The following LRRC3B variants were observed in gnomAD, a reference collection of about 807,000 sequenced individuals.
LRRC3B encodes leucine rich repeat containing 3B, also known as leucine-rich repeat-containing protein 3B.
Under a neutral mutation model 12.8 loss-of-function variants are expected in LRRC3B, and 2 were observed. The observed-to-expected ratio is 0.16, with a 90% confidence interval of 0.06 to 0.49. The LOEUF (loss-of-function observed/expected upper bound fraction) is 0.49, where lower values mean the gene tolerates loss of function less well. LRRC3B is among the 20% of genes least tolerant of loss of function. LRRC3B has a pLI of 0.96. For missense variants in LRRC3B, 189 were observed against 319.4 expected (o/e 0.59, Z 3.11); for synonymous variants, 132 against 122.0 (o/e 1.08, Z -0.54).
chr3:26,648,152 G>A (rs1237410960), intron 1 of LRRC3B, among the ~76,000 whole-genome samples: 1 of 151,886 alleles, frequency 6.6e-6, no homozygotes, highest in Non-Finnish European at 1.5e-5. Context: ...ACATTTTCAG[G>A]CTTCAACCAA....
intron 1 of LRRC3B, chr3:26,624,813 G>T (rs936127623): frequency 6.6e-6 from 1 of 152,318 alleles, no homozygotes; most frequent in Non-Finnish European, 1.5e-5. Context: ...GAATGCAGGA[G>T]GGGGAGGCTC....
chr3:26,656,729 C>G (rs1699378899), intron 1 of LRRC3B, among the ~76,000 whole-genome samples: 1 of 152,160 alleles, frequency 6.6e-6, no homozygotes, highest in Non-Finnish European at 1.5e-5. Context: ...TCCTGACAAC[C>G]ATTGCTAGAG....
chr3:26,655,524 T>C lies in LRRC3B; in HGVS notation c.-161+32287T>C, dbSNP rs1456942739. Among the ~76,000 whole-genome samples, 4 of 152,232 alleles carry C rather than the reference T, an allele frequency of 2.6e-5. No individual in the cohort carries two copies. In the South Asian group the frequency reaches 8.3e-4, roughly 32 times the overall value. ...TCTTACTTGATAGGTTGGCCTAGGA[T>C]TATTAGTAAAGCCTGGTAGTGCTGA... On this transcript the variant is annotated intron_variant, in intron 1 of 1. Transcript: ENST00000396641.
intron 1 of LRRC3B, among the ~76,000 whole-genome samples, chr3:26,693,114 A>G (rs1443296100): frequency 6.6e-6 from 1 of 151,838 alleles, no homozygotes; most frequent in African/African-American, 2.4e-5. Context: ...GCGGATCACG[A>G]GGTCAGGAGA....
intron 1 of LRRC3B, among the ~76,000 whole-genome samples, chr3:26,682,745 G>A (rs1181262221): frequency 6.6e-6 from 1 of 152,182 alleles, no homozygotes; most frequent in African/African-American, 2.4e-5. Context: ...AAGTGGCATT[G>A]CCTCAGTGGA....
chr3:26,677,983 CT>C (rs892815134), intron 1 of LRRC3B, among the ~76,000 whole-genome samples: 3 of 151,794 alleles, frequency 2.0e-5, no homozygotes, highest in Non-Finnish European at 4.4e-5. Flanking sequence ...TATTTTTCTT[CT>C]TTTTTATTTT....
At chr3:26,689,724 C>T (rs1700152541) in intron 1 of LRRC3B, among the ~76,000 whole-genome samples, 4 of 152,154 alleles carry the variant, frequency 2.6e-5, no homozygotes, top group Admixed American at 2.6e-4. Context: ...TGAGAGGCTC[C>T]CATCATCTTT....
intron 1 of LRRC3B, among the ~76,000 whole-genome samples, chr3:26,655,396 A>G (rs11718347): frequency 0.41 from 62,330 of 151,980 alleles, 13,355 homozygotes; most frequent in Middle Eastern, 0.5. Flanking sequence ...CATAATGTCT[A>G]TATCTTGAGT....
At chr3:26,671,369 T>TAGAGAGAGAGAGAGAGAGAGAGAG (rs773929815) in intron 1 of LRRC3B, among the ~76,000 whole-genome samples, 9 of 38,196 alleles carry the variant, frequency 2.4e-4, no homozygotes, top group Admixed American at 4.5e-4. Context: ...TATATATATA[T>TAGAGAGAGAGAGAGAGAGAGAGAG]ATATAGAGAG....
At chr3:26,655,186 TTAGA>T (rs1475064544) in intron 1 of LRRC3B, among the ~76,000 whole-genome samples, 7 of 152,202 alleles carry the variant, frequency 4.6e-5, no homozygotes, top group Non-Finnish European at 8.8e-5. Flanking sequence ...TTGTTTCTTC[TTAGA>T]TACTCTACTG....
intron 1 of LRRC3B, among the ~76,000 whole-genome samples, chr3:26,652,315 T>G (rs1199230986): frequency 6.6e-6 from 1 of 152,200 alleles, no homozygotes; most frequent in Non-Finnish European, 1.5e-5. Flanking sequence ...AGCCCAACCC[T>G]TTATGGGATC....
intron 1 of LRRC3B, among the ~76,000 whole-genome samples, chr3:26,686,957 G>GTGTC (rs1559367278): frequency 6.6e-6 from 1 of 152,166 alleles, no homozygotes; most frequent in East Asian, 1.9e-4. Flanking sequence ...GGAAGGCAAA[G>GTGTC]TGTCTCTCTG....
intron 1 of LRRC3B, among the ~76,000 whole-genome samples, chr3:26,682,222 G>T (rs570623383): frequency 8.5e-5 from 13 of 152,190 alleles, no homozygotes; most frequent in African/African-American, 2.9e-4. Context: ...CACAAGACTT[G>T]CCAATAGCTT....
chr3:26,634,840 A>G (rs1698832188), intron 1 of LRRC3B, among the ~76,000 whole-genome samples: 1 of 152,164 alleles, frequency 6.6e-6, no homozygotes, highest in Admixed American at 6.5e-5. Flanking sequence ...AGAGTTGGAT[A>G]TGTACCCAGC....
intron 1 of LRRC3B, among the ~76,000 whole-genome samples, chr3:26,693,106 G>A (rs1455759386): frequency 5.3e-5 from 8 of 151,798 alleles, no homozygotes; most frequent in African/African-American, 9.7e-5. Context: ...CGAGACGGGC[G>A]GATCACGAGG....
chr3:26,654,437 C>G (rs1370750557), intron 1 of LRRC3B, among the ~76,000 whole-genome samples: 1 of 152,152 alleles, frequency 6.6e-6, no homozygotes, highest in Non-Finnish European at 1.5e-5. Context: ...GCACCAGTAG[C>G]TTTAAAATTT....
intron 1 of LRRC3B, among the ~76,000 whole-genome samples, chr3:26,695,217 T>G (rs887389677): frequency 3.3e-5 from 5 of 152,158 alleles, no homozygotes; most frequent in African/African-American, 4.8e-5. Flanking sequence ...ATATTTAGAT[T>G]AATTCTATTA....
At chr3:26,645,175 CT>C (rs920242459) in intron 1 of LRRC3B, among the ~76,000 whole-genome samples, 5 of 152,134 alleles carry the variant, frequency 3.3e-5, no homozygotes, top group Non-Finnish European at 5.9e-5. Flanking sequence ...AAAAAATAGA[CT>C]TTTTGAGTTA....
intron 1 of LRRC3B, among the ~76,000 whole-genome samples, chr3:26,701,729 T>C (rs1313602264): frequency 1.3e-5 from 2 of 152,112 alleles, no homozygotes; most frequent in Non-Finnish European, 2.9e-5. Flanking sequence ...CCAGGGGTCA[T>C]GTACTAAACT....
Sources: gnomAD v4.1 joint callset for allele counts (sites outside exome capture counted in the v4.1 genomes callset) on GRCh38, gnomAD v4.1.1 for gene constraint, MANE v1.5 for transcripts, NCBI Gene and HGNC (gene_info 2026-07-23, HGNC 2026-07-21) for gene names.